MSR1: variants seen among roughly 807,000 people sequenced by gnomAD.
The protein encoded by MSR1 is macrophage scavenger receptor 1.
MSR1 carries 53 observed loss-of-function variants against 47.2 expected under a neutral mutation model. The observed-to-expected ratio is 1.12, with a 90% confidence interval of 0.90 to 1.41. The LOEUF is 1.41. Ranked by LOEUF, MSR1 falls within the 40% of genes most tolerant of loss-of-function variation. The pLI, the probability that MSR1 is intolerant of heterozygous loss-of-function variation, is 0.00. For synonymous variants in MSR1, 239 were observed against 185.6 expected, an observed-to-expected ratio of 1.29 and a Z score of -2.34; for missense variants, 786 against 546.9, an observed-to-expected ratio of 1.44 and a Z score of -4.36.
rs544695834 is a variant in MSR1 at position 16,191,529 on chromosome 8, T to TA, written c.-5+1068dup. 3.8e-3 allele frequency among the ~76,000 whole-genome samples: 572 copies of TA among 152,204 alleles called. 2 individuals carry two copies. Among genetic ancestry groups the TA allele is most frequent in the Non-Finnish European group, 6.8e-3 (465 of 68,010 alleles). The stretch of plus-strand genomic sequence containing the variant: ...TTATTTTAAAATATCACTTTTTTTT[T>TA]AAATATGAGCTTTTCTTATTTTGTT... On this transcript the variant is annotated intron_variant, in intron 1 of 9. Coordinates refer to ENST00000262101, the MANE Select transcript of MSR1 (RefSeq NM_138715.3).
intron 8 of MSR1, among the ~76,000 whole-genome samples, chr8:16,129,604 T>C (rs1180504049): frequency 6.6e-6 from 1 of 151,934 alleles, no homozygotes; most frequent in African/African-American, 2.4e-5. Context: ...AAAAAACAGC[T>C]GAGTGTGGTG....
chr8:16,135,405 G>A (rs539756824), intron 8 of MSR1, among the ~76,000 whole-genome samples: 2 of 152,228 alleles, frequency 1.3e-5, no homozygotes, highest in Admixed American at 1.3e-4. Context: ...CAGCACGTCT[G>A]TTGACAGCAT....
At position 16,164,196 on chromosome 8, in the gene MSR1, A is replaced by G. The variant is rs909958157; in HGVS notation, c.686T>C (p.Met229Thr). 23 of 1,612,310 alleles carry G rather than the reference A, an allele frequency of 1.4e-5. No individual in the cohort carries two copies. The highest frequency in any genetic ancestry group is 1.8e-5 in the Non-Finnish European group (21 of 1,179,028). Residue 229 changes from methionine (M) to threonine (T), a missense_variant, in exon 5 of 10, where the codon ATG (methionine) becomes ACG (threonine). Physicochemically the swap from Met to Thr is moderately conservative, Grantham distance 81. Transcript: ENST00000262101. ...VYNVSAEIMA[M>T]KEEQVHLEQE... ...TTCCAAATGCACTTGTTCTTCTTTC[A>G]TAGCCATAATTTCTGCTGATACATT...
chr8:16,137,692 T>C (rs901465581), intron 8 of MSR1, among the ~76,000 whole-genome samples: 1 of 152,138 alleles, frequency 6.6e-6, no homozygotes, highest in South Asian at 2.1e-4. Context: ...TAATGTATAA[T>C]GCACCAAAAA....
At chr8:16,149,753 C>A (rs1800796285) in intron 7 of MSR1, among the ~76,000 whole-genome samples, 1 of 152,064 alleles carries the variant, frequency 6.6e-6, no homozygotes, top group African/African-American at 2.4e-5. Flanking sequence ...GGATTTCAGA[C>A]TTCTCTGTAT....
chr8:16,173,235 C>T (rs911283577), intron 3 of MSR1, among the ~76,000 whole-genome samples: 3 of 152,118 alleles, frequency 2.0e-5, no homozygotes, highest in African/African-American at 7.2e-5. Context: ...TCTAATAGCT[C>T]GGGGACTTTG....
At chr8:16,181,563 A>G (rs1194488161) in intron 1 of MSR1, among the ~76,000 whole-genome samples, 1 of 152,138 alleles carries the variant, frequency 6.6e-6, no homozygotes, top group Non-Finnish European at 1.5e-5. Flanking sequence ...AAAACAAAAC[A>G]TCACATGATC....
At chr8:16,113,796 A>C (rs754939296) in intron 9 of MSR1, among the ~76,000 whole-genome samples, 21 of 152,136 alleles carry the variant, frequency 1.4e-4, no homozygotes, top group Non-Finnish European at 3.1e-4. Context: ...TGAAGATCTT[A>C]AGTATAAAGG....
At chr8:16,189,122 G>A (rs1339152765) in intron 1 of MSR1, among the ~76,000 whole-genome samples, 1 of 143,158 alleles carries the variant, frequency 7.0e-6, no homozygotes, top group African/African-American at 2.5e-5. Flanking sequence ...TCATATATAC[G>A]CAAAACCTTA....
chr8:16,121,574 T>C (rs1447909539), intron 8 of MSR1, among the ~76,000 whole-genome samples: 1 of 151,960 alleles, frequency 6.6e-6, no homozygotes, highest in Non-Finnish European at 1.5e-5. Context: ...TTTAGAAAAT[T>C]ATTTGGCTAA....
intron 3 of MSR1, among the ~76,000 whole-genome samples, chr8:16,174,271 C>T (rs1460508064): frequency 6.8e-6 from 1 of 147,962 alleles, no homozygotes. Context: ...TGTTGTTAAA[C>T]TGCTTAGTAT....
Position 16,179,879 on chromosome 8 carries a change from CAAAA to C in MSR1, c.-4-1891_-4-1888del, listed in dbSNP as rs58441043. ...GCAAGAAGAGTGAAACCCTGTGTCT[CAAAA>C]AAAAAAAAAAAAAAAAAAAAGTATT... On this transcript the variant is annotated intron_variant, in intron 1 of 9. Coordinates refer to ENST00000262101, the MANE Select transcript of MSR1 (RefSeq NM_138715.3). Among the ~76,000 whole-genome samples, 760 of 80,932 alleles carry C rather than the reference CAAAA, an allele frequency of 9.4e-3. 6 individuals are homozygous for C. The highest frequency in any genetic ancestry group is 0.028 in the African/African-American group (595 of 21,474). The allele number at this position is 80,932 out of a possible 152,430, so 53.1% of individuals were successfully genotyped here.
At position 16,109,245 on chromosome 8, in the gene MSR1, C is replaced by T. The variant is rs1191385426; in HGVS notation, c.*840G>A. The T allele has an allele frequency of 2.3e-5, 3 of 132,504 alleles. No homozygotes were observed. Among genetic ancestry groups the T allele is most frequent in the Non-Finnish European group, 4.6e-5 (3 of 64,640 alleles). 8.2% of individuals were successfully genotyped at this position (132,504 alleles called of 1,614,324 possible). A position where few individuals can be genotyped will look rare whatever the true frequency, so the allele number is the denominator to read the frequency against. On this transcript the variant is annotated 3_prime_UTR_variant, in exon 10 of 10. Transcript: ENST00000262101. Reference sequence around the variant, plus strand: ...AAGACTCCAAACAGTTGAAACCACTCTTCCTTCTGCACTGAAGATGTTTGC... The same window carrying T: ...AAGACTCCAAACAGTTGAAACCACTTTTCCTTCTGCACTGAAGATGTTTGC...
intron 8 of MSR1, among the ~76,000 whole-genome samples, chr8:16,133,564 T>C (rs1271721722): frequency 6.6e-6 from 1 of 152,146 alleles, no homozygotes; most frequent in Admixed American, 6.5e-5. Flanking sequence ...AGGTTACCAT[T>C]CTTTGGCCCT....
intron 6 of MSR1, among the ~76,000 whole-genome samples, chr8:16,153,548 T>C (rs1189820234): frequency 6.6e-6 from 1 of 151,846 alleles, no homozygotes; most frequent in African/African-American, 2.4e-5. Flanking sequence ...CCATGACAAA[T>C]CGTTAATTTA....
intron 1 of MSR1, among the ~76,000 whole-genome samples, chr8:16,188,820 G>A (rs1461817876): frequency 6.6e-6 from 1 of 151,768 alleles, no homozygotes; most frequent in African/African-American, 2.4e-5. Flanking sequence ...CTTCATCCAT[G>A]TCCCTGCAAA....
chr8:16,170,024 C>G (rs922440871), intron 3 of MSR1, among the ~76,000 whole-genome samples: 2 of 151,836 alleles, frequency 1.3e-5, no homozygotes, highest in African/African-American at 4.8e-5. Flanking sequence ...TTTCTAGTTT[C>G]AAAAAAATAA....
rs1196593802 is a variant in MSR1, at chr8:16,143,608, T to A, written c.983A>T (p.Asn328Ile). Residue 328 changes from asparagine to isoleucine, a missense_variant, in exon 8 of 10, where the codon AAT (asparagine) becomes ATT (isoleucine). Coordinates refer to ENST00000262101, the MANE Select transcript of MSR1 (RefSeq NM_138715.3). ...GLPGYAGRPG[N>I]SGPKGQKGEK... Reference sequence around the variant, plus strand: ...CCCTTTCTGGCCTTTTGGTCCAGAATTTCCTTGAGAAAAGAAGAAAAATAT... The same window carrying A: ...CCCTTTCTGGCCTTTTGGTCCAGAAATTCCTTGAGAAAAGAAGAAAAATAT... 3.1e-6 allele frequency: 5 copies of A among 1,612,028 alleles called. No individual in the cohort carries two copies. The highest frequency in any genetic ancestry group is 3.4e-6 in the Non-Finnish European group (4 of 1,178,716).
intron 1 of MSR1, among the ~76,000 whole-genome samples, chr8:16,191,204 T>C (rs1176559452): frequency 6.6e-6 from 1 of 152,208 alleles, no homozygotes; most frequent in Non-Finnish European, 1.5e-5. Flanking sequence ...AACCCGTCTG[T>C]AAGACAGATT....
Sources: gnomAD v4.1 joint callset for allele counts (sites outside exome capture counted in the v4.1 genomes callset) on GRCh38, gnomAD v4.1.1 for gene constraint, MANE v1.5 for transcripts, NCBI Gene and HGNC (gene_info 2026-07-23, HGNC 2026-07-21) for gene names.